FBXO25: variants seen among roughly 807,000 people sequenced by gnomAD.
FBXO25 encodes the protein F-box only protein 25.
A neutral mutation model predicts 51.9 loss-of-function variants in FBXO25; 45 were observed. The observed-to-expected ratio is 0.87, with a 90% CI of 0.68 to 1.11. The LOEUF (loss-of-function observed/expected upper bound fraction) is 1.11, where lower values mean the gene tolerates loss of function less well. Ranked by LOEUF, FBXO25 falls within the 50% of genes most tolerant of loss-of-function variation. The probability of loss-of-function intolerance (pLI) is 0.00; values close to 1 mark genes in which losing one functional copy is unlikely to be tolerated. For missense variants in FBXO25, 507 were observed against 428.5 expected (o/e 1.18, Z -1.62); for synonymous variants, 199 against 151.0 (o/e 1.32, Z -2.33).
rs1415061116 is a variant in FBXO25, at chr8:413,141, G to A, written c.62G>A (p.Gly21Asp). ...PGWSWIKTED[G>D]WKRCESCSQK... ...TGGAGTTGGATTAAGACAGAAGATGGCTGGAAGAGATGTGAATCTTGTAGT... is the reference window on the plus strand; with the variant it reads ...TGGAGTTGGATTAAGACAGAAGATGACTGGAAGAGATGTGAATCTTGTAGT... The change falls in exon 2 of 10, where the codon GGC becomes GAC. Residue 21 changes from glycine (G) to aspartate (D), a missense_variant. Physicochemically the swap from Gly to Asp is moderately conservative, Grantham distance 94. Transcript: ENST00000350302. The A allele has an allele frequency of 6.2e-7, 1 of 1,610,930 alleles. No homozygotes were observed.
intron 5 of FBXO25, among the ~76,000 whole-genome samples, chr8:445,459 T>G (rs963308151): frequency 6.6e-6 from 1 of 152,236 alleles, no homozygotes; most frequent in African/African-American, 2.4e-5. Flanking sequence ...TTAAAATTAC[T>G]GAGGACCCCA....
rs796336180 is a variant in FBXO25 at position 470,223 on chromosome 8, A to G, written c.*1419A>G. 58 of 152,326 alleles carry G rather than the reference A, an allele frequency of 3.8e-4. No individual in the cohort carries two copies. Among genetic ancestry groups the G allele is most frequent in the African/African-American group, 1.2e-3 (51 of 41,566 alleles). 9.4% of individuals were successfully genotyped at this position (152,326 alleles called of 1,614,324 possible). Reference sequence around the variant, plus strand: ...CCTGAGTGTCTCGCCGTTAGCATCAATAACTATGATAAGCATCGTCACACA... The same window carrying G: ...CCTGAGTGTCTCGCCGTTAGCATCAGTAACTATGATAAGCATCGTCACACA... On this transcript the variant is annotated 3_prime_UTR_variant, in exon 10 of 10. Transcript: ENST00000350302.
At chr8:436,075 C>T (rs1037238363) in intron 5 of FBXO25, among the ~76,000 whole-genome samples, 16 of 152,216 alleles carry the variant, frequency 1.1e-4, no homozygotes, top group East Asian at 1.9e-4. Context: ...TTTTCTGCTT[C>T]GTGTTTTTCA....
In FBXO25 at chr8:475,497, A is replaced by T. The variant is rs1366677547; in HGVS notation, c.*6693A>T. On this transcript the variant is annotated 3_prime_UTR_variant, in exon 10 of 10. Transcript: ENST00000350302. ...GGGATATTCTGATAGAGATTGCATG[A>T]AATCTATAGATTGCTTTGGACTATG... 6.6e-6 allele frequency: 1 copy of T among 152,626 alleles called. No individual in the cohort carries two copies. The highest frequency in any genetic ancestry group is 1.5e-5 in the Non-Finnish European group (1 of 68,656). The allele number at this position is 152,626 out of a possible 1,614,324, so 9.5% of individuals were successfully genotyped here.
In FBXO25 at chr8:474,366, C is replaced by A; in HGVS notation, c.*5562C>A. ...TTGAGGACACTTGAGTTGCTTCCAC[C>A]TTTTAGCTATTGTGAATATTGCTGC... On this transcript the variant is annotated 3_prime_UTR_variant, in exon 10 of 10. Transcript: ENST00000350302. The A allele has an allele frequency of 3.9e-6, 1 of 256,662 alleles. No individual in the cohort carries two copies. 15.9% of individuals were successfully genotyped at this position (256,662 alleles called of 1,614,324 possible).
rs1010941157 is a variant in FBXO25, at chr8:475,464, A to G, written c.*6660A>G. The G allele has an allele frequency of 1.3e-5, 2 of 153,810 alleles. No individual in the cohort carries two copies. Among genetic ancestry groups the G allele is most frequent in the Non-Finnish European group, 2.9e-5 (2 of 69,326 alleles). 9.5% of individuals were successfully genotyped at this position (153,810 alleles called of 1,614,324 possible). On this transcript the variant is annotated 3_prime_UTR_variant, in exon 10 of 10. Coordinates refer to ENST00000350302, the MANE Select transcript of FBXO25 (RefSeq NM_183420.2). ...TATGAGTTTCAGGATGGAAAAAAAA[A>G]AGCCACTGGGATATTCTGATAGAGA...
chr8:427,194 T>G (rs113216971), intron 2 of FBXO25, among the ~76,000 whole-genome samples: 1 of 145,726 alleles, frequency 6.9e-6, no homozygotes, highest in Non-Finnish European at 1.5e-5. Context: ...GAGCAGAGAT[T>G]GTAGCTCCCT....
At chr8:426,451 T>A (rs1797486116) in intron 2 of FBXO25, among the ~76,000 whole-genome samples, 1 of 152,028 alleles carries the variant, frequency 6.6e-6, no homozygotes, top group Non-Finnish European at 1.5e-5. Context: ...ACATGCATTC[T>A]TAAGGGGGAG....
intron 5 of FBXO25, among the ~76,000 whole-genome samples, chr8:448,617 G>T (rs58754476): frequency 0.044 from 6,657 of 152,306 alleles, 248 homozygotes; most frequent in African/African-American, 0.095. Flanking sequence ...CGGACTGGAT[G>T]TCAGTGAATC....
chr8:438,705 G>A (rs1490982160), intron 5 of FBXO25, among the ~76,000 whole-genome samples: 12 of 152,270 alleles, frequency 7.9e-5, no homozygotes, highest in South Asian at 4.1e-4. Context: ...GCAGATCAAC[G>A]TACCTTGGCT....
intron 2 of FBXO25, among the ~76,000 whole-genome samples, chr8:424,370 A>C (rs1797343302): frequency 6.6e-6 from 1 of 152,140 alleles, no homozygotes; most frequent in Non-Finnish European, 1.5e-5. Context: ...TCATTTAATT[A>C]AATTCTACTT....
intron 1 of FBXO25, among the ~76,000 whole-genome samples, chr8:411,087 C>T (rs545229421): frequency 2.0e-5 from 3 of 152,144 alleles, no homozygotes; most frequent in Admixed American, 2.0e-4. Flanking sequence ...ATTTATTCTC[C>T]ATGATGTAAA....
chr8:470,039 C>T lies in FBXO25; in HGVS notation c.*1235C>T, dbSNP rs1444579229. On this transcript the variant is annotated 3_prime_UTR_variant, in exon 10 of 10. Coordinates refer to ENST00000350302, the MANE Select transcript of FBXO25 (RefSeq NM_183420.2). Reference sequence around the variant, plus strand: ...AGTTTTTCATAAGACCATAAATGTCCCGTATACCACTGTTACTTCACAACG... The same window carrying T: ...AGTTTTTCATAAGACCATAAATGTCTCGTATACCACTGTTACTTCACAACG... 1 of 152,108 alleles carries T rather than the reference C, an allele frequency of 6.6e-6. No homozygotes were observed. The highest frequency in any genetic ancestry group is 1.5e-5 in the Non-Finnish European group (1 of 68,042). 9.4% of individuals were successfully genotyped at this position (152,108 alleles called of 1,614,324 possible).
intron 5 of FBXO25, among the ~76,000 whole-genome samples, chr8:445,728 G>A (rs534112523): frequency 1.2e-3 from 185 of 152,186 alleles, no homozygotes; most frequent in South Asian, 4.6e-3. Flanking sequence ...GAAAACTACC[G>A]GGCATGGTGG....
At chr8:438,358 C>T (rs376443639) in intron 5 of FBXO25, among the ~76,000 whole-genome samples, 19 of 152,340 alleles carry the variant, frequency 1.2e-4, no homozygotes, top group Admixed American at 3.9e-4. Context: ...CATGCCCAGC[C>T]TGTATCTTTC....
intron 2 of FBXO25, among the ~76,000 whole-genome samples, chr8:420,009 C>G (rs1797053157): frequency 6.6e-6 from 1 of 152,052 alleles, no homozygotes; most frequent in African/African-American, 2.4e-5. Flanking sequence ...GAAGCCCATG[C>G]AAATAAGCAG....
intron 8 of FBXO25, among the ~76,000 whole-genome samples, chr8:460,939 T>G (rs977506018): frequency 6.6e-6 from 1 of 152,264 alleles, no homozygotes; most frequent in Admixed American, 6.5e-5. Context: ...GAGTATGTTA[T>G]ACAAGTGATT....
intron 7 of FBXO25, among the ~76,000 whole-genome samples, chr8:457,589 G>C (rs748196339): frequency 2.4e-4 from 37 of 152,172 alleles, no homozygotes; most frequent in Non-Finnish European, 4.7e-4. Context: ...TGCAGGAGGA[G>C]TCCATTGTGG....
intron 5 of FBXO25, among the ~76,000 whole-genome samples, chr8:440,017 A>G (rs1378142286): frequency 6.6e-6 from 1 of 152,232 alleles, no homozygotes; most frequent in Admixed American, 6.5e-5. Context: ...CATAGTAGCA[A>G]CTTAATAGCA....
Sources: gnomAD v4.1 joint callset for allele counts (sites outside exome capture counted in the v4.1 genomes callset) on GRCh38, gnomAD v4.1.1 for gene constraint, MANE v1.5 for transcripts, NCBI Gene and HGNC (gene_info 2026-07-23, HGNC 2026-07-21) for gene names.